The following CSMD1 variants were observed in gnomAD, a reference collection of about 807,000 sequenced individuals.
The protein encoded by CSMD1 is CUB and sushi domain-containing protein 1.
In CSMD1, 213 loss-of-function variants were observed where a neutral mutation model predicts 417.5. That is an observed-to-expected ratio of 0.51 (90% CI 0.46 to 0.57). The LOEUF (loss-of-function observed/expected upper bound fraction) is 0.57, where lower values mean the gene tolerates loss of function less well. Ranked by LOEUF, CSMD1 falls within the 20% of genes least tolerant of loss-of-function variation. The probability of loss-of-function intolerance (pLI) is 0.00; values close to 1 mark genes in which losing one functional copy is unlikely to be tolerated. For synonymous variants in CSMD1, 2,862 were observed against 1,736.8 expected (o/e 1.65, Z -16.11); for missense variants, 6,923 against 4,529.7 (o/e 1.53, Z -15.17).
intron 49 of CSMD1, among the ~76,000 whole-genome samples, chr8:3,074,700 G>C (rs1813525373): frequency 6.6e-6 from 1 of 152,138 alleles, no homozygotes; most frequent in Non-Finnish European, 1.5e-5. Flanking sequence ...CGACATAACT[G>C]GTCATTGAAA....
Position 3,113,620 on chromosome 8 carries a change from T to C in CSMD1, c.6431-3285A>G, listed in dbSNP as rs115051497. ...GCTTCCCCCACAACGCCACTCTCTA[T>C]CATTGCCTCAAATACCACGGAGGCT... On this transcript the variant is annotated intron_variant, in intron 42 of 69. Coordinates refer to ENST00000635120, the MANE Select transcript of CSMD1 (RefSeq NM_033225.6). Among the ~76,000 whole-genome samples, 774 of 152,326 alleles carry C rather than the reference T, an allele frequency of 5.1e-3. 7 individuals carry two copies. The highest frequency in any genetic ancestry group is 0.018 in the African/African-American group (755 of 41,588).
At chr8:3,857,918 T>C (rs6986636) in intron 5 of CSMD1, among the ~76,000 whole-genome samples, 13,102 of 152,296 alleles carry the variant, frequency 0.086, 1,026 homozygotes, top group African/African-American at 0.21. Context: ...TGACCAGGCT[T>C]TGGCTTCCAG....
At chr8:3,281,798 C>A (rs1004146375) in intron 26 of CSMD1, among the ~76,000 whole-genome samples, 1 of 152,122 alleles carries the variant, frequency 6.6e-6, no homozygotes, top group Non-Finnish European at 1.5e-5. Flanking sequence ...TGCGTCCCCA[C>A]CCATGTTGAA....
Position 4,134,339 on chromosome 8 carries a change from T to G in CSMD1, c.416-102240A>C, listed in dbSNP as rs1803289963. Among the ~76,000 whole-genome samples, 6 of 152,272 alleles carry G rather than the reference T, an allele frequency of 3.9e-5. No individual in the cohort carries two copies. The South Asian group carries it at 1.2e-3, about 32-fold the overall frequency. On this transcript the variant is annotated intron_variant, in intron 3 of 69. Coordinates refer to ENST00000635120, the MANE Select transcript of CSMD1 (RefSeq NM_033225.6). ...GCTATAAAGACATCTTTAAGGTGGG[T>G]CCTCATCCATGACGATTTTTATTCT...
At chr8:3,870,543 C>T (rs1805412719) in intron 5 of CSMD1, among the ~76,000 whole-genome samples, 1 of 152,112 alleles carries the variant, frequency 6.6e-6, no homozygotes, top group Non-Finnish European at 1.5e-5. Context: ...AATTACCCTC[C>T]AGAAATGTCC....
intron 5 of CSMD1, among the ~76,000 whole-genome samples, chr8:3,996,153 T>A (rs909785934): frequency 3.3e-5 from 5 of 151,776 alleles, no homozygotes; most frequent in Admixed American, 2.6e-4. Flanking sequence ...GATCATAGGT[T>A]CTAGAATCAC....
intron 3 of CSMD1, among the ~76,000 whole-genome samples, chr8:4,243,913 G>C (rs914950392): frequency 3.3e-5 from 5 of 152,308 alleles, no homozygotes; most frequent in African/African-American, 4.8e-5. Context: ...GGTTAGCAGA[G>C]AGTTTGCTTC....
At chr8:4,472,385 T>G (rs1372060375) in intron 2 of CSMD1, among the ~76,000 whole-genome samples, 1 of 152,130 alleles carries the variant, frequency 6.6e-6, no homozygotes, top group Non-Finnish European at 1.5e-5. Flanking sequence ...GTAGTAACAG[T>G]GCTTCACTGT....
chr8:4,432,784 G>T (rs1175046573), intron 2 of CSMD1, among the ~76,000 whole-genome samples: 1 of 152,146 alleles, frequency 6.6e-6, no homozygotes, highest in Non-Finnish European at 1.5e-5. Context: ...AAGCCAAGCA[G>T]TAATTTTGGT....
intron 41 of CSMD1, among the ~76,000 whole-genome samples, chr8:3,133,383 C>T (rs1024865452): frequency 5.9e-5 from 9 of 152,226 alleles, no homozygotes; most frequent in Non-Finnish European, 1.0e-4. Context: ...TTACAATCGT[C>T]CTCAGTCTCT....
chr8:3,950,035 T>C, intron 5 of CSMD1: 2 of 455,688 alleles, frequency 4.4e-6, no homozygotes, highest in Non-Finnish European at 8.8e-6. Context: ...CTGTGCGTAT[T>C]TGCTGTCACG....
At chr8:4,011,818 T>C (rs1816560163) in intron 4 of CSMD1, among the ~76,000 whole-genome samples, 1 of 152,306 alleles carries the variant, frequency 6.6e-6, no homozygotes, top group South Asian at 2.1e-4. Flanking sequence ...ACTGGAATAA[T>C]ATGTGCACAG....
chr8:4,325,846 C>A (rs1995537), intron 3 of CSMD1, among the ~76,000 whole-genome samples: 14 of 152,066 alleles, frequency 9.2e-5, no homozygotes, highest in Admixed American at 5.2e-4. Context: ...AAAGCTTATT[C>A]CACCTGATGG....
chr8:3,910,717 T>A (rs1584950328), intron 5 of CSMD1, among the ~76,000 whole-genome samples: 1 of 152,148 alleles, frequency 6.6e-6, no homozygotes, highest in African/African-American at 2.4e-5. Flanking sequence ...TTCAGACCAT[T>A]AAGGATATAA....
intron 15 of CSMD1, among the ~76,000 whole-genome samples, chr8:3,399,936 C>A (rs1811937346): frequency 6.6e-6 from 1 of 151,968 alleles, no homozygotes. Flanking sequence ...ATATACACAC[C>A]CTTAGGTGTG....
chr8:4,164,724 A>C (rs1563209640), intron 3 of CSMD1, among the ~76,000 whole-genome samples: 1 of 152,052 alleles, frequency 6.6e-6, no homozygotes, highest in African/African-American at 2.4e-5. Flanking sequence ...TCAAGTACTA[A>C]AAGTATTTAA....
chr8:3,205,727 T>C (rs1475190094), intron 30 of CSMD1, 107 bp from the exon 31 acceptor site: 1 of 497,560 alleles, frequency 2.0e-6, no homozygotes, highest in Non-Finnish European at 3.5e-6. Flanking sequence ...TATTGAAAAC[T>C]TGACAAAATA....
At chr8:4,411,684 G>A (rs1017390292) in intron 3 of CSMD1, among the ~76,000 whole-genome samples, 7 of 151,958 alleles carry the variant, frequency 4.6e-5, no homozygotes, top group African/African-American at 7.3e-5. Flanking sequence ...TCTCCTACAC[G>A]TTTCTGAATG....
rs560358245 is a variant in CSMD1, at chr8:4,373,824, T to G, written c.415+46129A>C. ...ATAGTCGTCAAAGCCTGGAAGACAG[T>G]ACTAGCCAAAGGAGCTTTTCTATGT... On this transcript the variant is annotated intron_variant, in intron 3 of 69. Transcript: ENST00000635120. Among the ~76,000 whole-genome samples the G allele has an allele frequency of 1.6e-4, 25 of 152,314 alleles. 1 individual carries two copies. Among genetic ancestry groups the G allele is most frequent in the African/African-American group, 5.8e-4 (24 of 41,570 alleles).
Sources: gnomAD v4.1 joint callset for allele counts (sites outside exome capture counted in the v4.1 genomes callset) on GRCh38, gnomAD v4.1.1 for gene constraint, MANE v1.5 for transcripts, NCBI Gene and HGNC (gene_info 2026-07-23, HGNC 2026-07-21) for gene names.